IDS: variants seen among roughly 807,000 people sequenced by gnomAD.
The protein encoded by IDS is iduronate 2-sulfatase.
IDS carries 1 observed loss-of-function variant against 33.5 expected under a neutral mutation model. The observed-to-expected ratio is 0.03, with a 90% CI of 0.01 to 0.14. The LOEUF (loss-of-function observed/expected upper bound fraction) is 0.14. IDS is among the 10% of genes least tolerant of loss of function. The probability of loss-of-function intolerance (pLI) is 1.00; values close to 1 mark genes in which losing one functional copy is unlikely to be tolerated. For missense variants in IDS, 328 were observed against 448.0 expected (o/e 0.73, Z 2.42); for synonymous variants, 191 against 184.4 (o/e 1.04, Z -0.29).
chrX:149,501,107 CTG>C (rs782163250), intron 3 of IDS, 70 bp from the exon 4 acceptor site: 3 of 700,798 alleles, frequency 4.3e-6, no homozygotes, highest in South Asian at 4.4e-5. Flanking sequence ...AATTAAAACT[CTG>C]TAAACAAATG....
At chrX:149,497,048 T>C (rs2089441609) in intron 5 of IDS, among the ~76,000 whole-genome samples, 2 of 111,582 alleles carry the variant, frequency 1.8e-5, no homozygotes, top group East Asian at 2.8e-4. Flanking sequence ...CAGCAACGAG[T>C]TGTGTGACAA....
rs140876477 is a variant in IDS, at chrX:149,496,590, C to T, written c.709-74G>A. ...CACAAGCTTGTGGCTCTATCACTGT[C>T]TATACTGCCTTTTCTCTAAGCCTGG... On this transcript the variant is annotated intron_variant, in intron 5 of 8. Coordinates refer to ENST00000340855, the MANE Select transcript of IDS (RefSeq NM_000202.8). The T allele has an allele frequency of 4.7e-5, 49 of 1,042,376 alleles. No homozygotes were observed. The African/African-American group carries it at 7.7e-4, about 16-fold the overall frequency. 85.9% of individuals were successfully genotyped at this position (1,042,376 alleles called of 1,213,427 possible).
At chrX:149,498,405 TCA>T in intron 4 of IDS, 98 bp from the exon 5 acceptor site, 2 of 675,564 alleles carry the variant, frequency 3.0e-6, no homozygotes, top group Non-Finnish European at 4.5e-6. Context: ...AATCAGCCCT[TCA>T]CGTGTTAGTC....
rs911216508 is a variant in IDS at position 149,479,326 on chromosome X, G to A, written c.*3420C>T. ...CCACCGCGCCCGGCAAGAATTCAAA[G>A]TTAAAACAGGTTACCACTTTCACCT... On this transcript the variant is annotated 3_prime_UTR_variant, in exon 9 of 9. Transcript: ENST00000340855. 1.8e-5 allele frequency: 2 copies of A among 112,752 alleles called. No individual in the cohort carries two copies. The highest frequency in any genetic ancestry group is 3.7e-5 in the Non-Finnish European group (2 of 53,341). 9.3% of individuals were successfully genotyped at this position (112,752 alleles called of 1,213,427 possible).
intron 8 of IDS, among the ~76,000 whole-genome samples, chrX:149,484,803 A>ATGCTTGAT (rs1349303986): frequency 8.9e-6 from 1 of 112,590 alleles, no homozygotes; most frequent in Non-Finnish European, 1.9e-5. Flanking sequence ...GTGCTTTATC[A>ATGCTTGAT]TGCTTGATTT....
Position 149,482,804 on chromosome X carries a change from T to C in IDS, c.1595A>G (p.Asp532Gly), listed in dbSNP as rs781844928. 2.5e-6 allele frequency: 3 copies of C among 1,210,423 alleles called. No individual in the cohort carries two copies. Among genetic ancestry groups the C allele is most frequent in the African/African-American group, 3.5e-5 (2 of 57,296 alleles). The change falls in exon 9 of 9, where the codon GAT becomes GGT. Residue 532 changes from aspartate (D) to glycine (G), a missense_variant. Transcript: ENST00000340855. The stretch of plus-strand genomic sequence containing the variant: ...TTGGGAATCATTATACATATTGTGA[T>C]CCTGCAATGGGTCAGAATCCACAAA... ...LYFVDSDPLQ[D>G]HNMYNDSQGG...
At chrX:149,487,233 C>T in intron 7 of IDS, 135 bp from the exon 8 acceptor site, 1 of 1,204,696 alleles carries the variant, frequency 8.3e-7, no homozygotes, top group Non-Finnish European at 1.1e-6. Context: ...GAAAAATATT[C>T]ACTTGGAATT....
rs1220082260 is a variant in IDS, at chrX:149,480,978, C to T, written c.*1768G>A. 8.9e-6 allele frequency: 1 copy of T among 112,009 alleles called. No individual in the cohort carries two copies. Among genetic ancestry groups the T allele is most frequent in the African/African-American group, 3.2e-5 (1 of 30,789 alleles). The allele number at this position is 112,009 out of a possible 1,213,427, so 9.2% of individuals were successfully genotyped here. On this transcript the variant is annotated 3_prime_UTR_variant, in exon 9 of 9. Transcript: ENST00000340855. ...CGGGAGGACCACTAATAAGTTATGT[C>T]CAGCTTAGTGGGGTTGGGGAAAGGT...
chrX:149,490,643 T>TA (rs782704411), intron 6 of IDS, among the ~76,000 whole-genome samples: 1 of 112,467 alleles, frequency 8.9e-6, no homozygotes, highest in Non-Finnish European at 1.9e-5. Context: ...TCTGTAGGTC[T>TA]ACAAATAAGA....
rs782234478 is a variant in IDS at position 149,489,951 on chromosome X, G to T, written c.1006+363C>A. Among the ~76,000 whole-genome samples the T allele has an allele frequency of 5.4e-5, 6 of 110,304 alleles. No homozygotes were observed. In the East Asian group the frequency reaches 1.4e-3, roughly 26 times the overall value. On this transcript the variant is annotated intron_variant, in intron 7 of 8. Transcript: ENST00000340855. ...AGGCGTGAAGAGCTTGCTGGGCTCTGCCAGGATTGTTCTGGATCCTCTCCA... is the reference window on the plus strand; with the variant it reads ...AGGCGTGAAGAGCTTGCTGGGCTCTTCCAGGATTGTTCTGGATCCTCTCCA...
intron 2 of IDS, 87 bp from the exon 3 acceptor site, chrX:149,503,576 G>A (rs782133693): frequency 2.4e-5 from 26 of 1,078,248 alleles, no homozygotes; most frequent in Admixed American, 1.3e-4. Context: ...GCCCTCCCGA[G>A]GCTCCTAGCA....
intron 4 of IDS, 102 bp from the exon 5 acceptor site, chrX:149,498,409 G>A (rs782040733): frequency 4.8e-5 from 31 of 645,584 alleles, no homozygotes; most frequent in African/African-American, 1.5e-4. Context: ...AGCCCTTCAC[G>A]TGTTAGTCAC....
At chrX:149,503,201 C>T (rs1557340195) in intron 3 of IDS, 111 bp downstream of exon 3, 1 of 1,169,040 alleles carries the variant, frequency 8.6e-7, no homozygotes, top group African/African-American at 1.8e-5. Context: ...TAGCGAGGGA[C>T]TCGCCCAGCC....
intron 4 of IDS, among the ~76,000 whole-genome samples, chrX:149,499,622 G>A (rs782219921): frequency 9.0e-6 from 1 of 111,015 alleles, no homozygotes; most frequent in East Asian, 2.8e-4. Flanking sequence ...ATCTAAGATC[G>A]ATTTGGGTGA....
Position 149,481,511 on chromosome X carries a change from T to C in IDS, c.*1235A>G, listed in dbSNP as rs987599328. On this transcript the variant is annotated 3_prime_UTR_variant, in exon 9 of 9. Transcript: ENST00000340855. The stretch of plus-strand genomic sequence containing the variant: ...TTTGTAAAGAGAAAATTACTAAAAA[T>C]TACTCCTTCACTACAGGACAGTAGA... 1.2e-4 allele frequency: 13 copies of C among 112,257 alleles called. No individual in the cohort carries two copies. The highest frequency in any genetic ancestry group is 3.9e-4 in the African/African-American group (12 of 30,877). 9.3% of individuals were successfully genotyped at this position (112,257 alleles called of 1,213,427 possible). A position where few individuals can be genotyped will look rare whatever the true frequency, so the allele number is the denominator to read the frequency against.
In IDS at chrX:149,480,596, T is replaced by G; in HGVS notation, c.*2150A>C. The G allele has an allele frequency of 3.5e-6, 1 of 282,533 alleles. No homozygotes were observed. The highest frequency in any genetic ancestry group is 6.3e-5 in the Admixed American group (1 of 15,989). The allele number at this position is 282,533 out of a possible 1,213,427, so 23.3% of individuals were successfully genotyped here. ...CCTGGTTCAAGCGATTCTTGTGCCT[T>G]GGCCTCCCAAGAAGCTGGGATTACA... On this transcript the variant is annotated 3_prime_UTR_variant, in exon 9 of 9. Coordinates refer to ENST00000340855, the MANE Select transcript of IDS (RefSeq NM_000202.8).
rs1340985117 is a variant in IDS, at chrX:149,505,277, G to T, written c.-140C>A. 6.1e-6 allele frequency: 2 copies of T among 325,258 alleles called. No individual in the cohort carries two copies. Among genetic ancestry groups the T allele is most frequent in the Non-Finnish European group, 1.1e-5 (2 of 190,240 alleles). The allele number at this position is 325,258 out of a possible 1,213,427, so 26.8% of individuals were successfully genotyped here. Reference sequence around the variant, plus strand: ...CGCAACACAGCCGCCGCCCGGGCCCGCAGGCCCGGGCGCTGGCCGCAGCGC... The same window carrying T: ...CGCAACACAGCCGCCGCCCGGGCCCTCAGGCCCGGGCGCTGGCCGCAGCGC... On this transcript the variant is annotated 5_prime_UTR_variant, in exon 1 of 9. Transcript: ENST00000340855.
chrX:149,491,103 A>C (rs1284899784), intron 6 of IDS, among the ~76,000 whole-genome samples: 1 of 112,341 alleles, frequency 8.9e-6, no homozygotes, highest in Non-Finnish European at 1.9e-5. Flanking sequence ...GGGAAAAAAA[A>C]ATTCATAATT....
chrX:149,487,621 C>T (rs1322933148), intron 7 of IDS, among the ~76,000 whole-genome samples: 2 of 112,468 alleles, frequency 1.8e-5, no homozygotes, highest in East Asian at 5.6e-4. Context: ...AGGACATCTT[C>T]GTTGATTTTT....
Sources: gnomAD v4.1 joint callset for allele counts (sites outside exome capture counted in the v4.1 genomes callset) on GRCh38, gnomAD v4.1.1 for gene constraint, MANE v1.5 for transcripts, NCBI Gene and HGNC (gene_info 2026-07-23, HGNC 2026-07-21) for gene names.